Variants in XRN1 observed in about 807,000 individuals in gnomAD.
XRN1 encodes the protein strand-exchange protein 1 homolog.
Under a neutral mutation model 222.3 loss-of-function variants are expected in XRN1, and 67 were observed. The observed-to-expected ratio is 0.30, with a 90% CI of 0.25 to 0.37. The LOEUF (loss-of-function observed/expected upper bound fraction) is 0.37. XRN1 is among the 10% of genes least tolerant of loss of function. The probability of loss-of-function intolerance (pLI) is 1.00; values close to 1 mark genes in which losing one functional copy is unlikely to be tolerated. For synonymous variants in XRN1, 643 were observed against 652.4 expected (o/e 0.99, Z 0.22); for missense variants, 1,707 against 2,000.2 (o/e 0.85, Z 2.80).
In XRN1 at chr3:142,398,109, G is replaced by A. The variant is rs13325213; in HGVS notation, c.2208-649C>T. 6.1e-3 allele frequency among the ~76,000 whole-genome samples: 924 copies of A among 152,064 alleles called. 8 individuals are homozygous for A. Among genetic ancestry groups the A allele is most frequent in the African/African-American group, 0.021 (854 of 41,480 alleles). On this transcript the variant is annotated intron_variant, in intron 19 of 40. Coordinates refer to ENST00000392981, the MANE Select transcript of XRN1 (RefSeq NM_001282857.2). ...AAATAAAAAAAATATGCCAGGTATG[G>A]TAACACATATCTGTAGTCCCAGATA...
chr3:142,332,902 G>C, intron 35 of XRN1, 65 bp downstream of exon 35: 2 of 1,584,954 alleles, frequency 1.3e-6, no homozygotes, highest in East Asian at 4.5e-5. Context: ...ACTTGCATGG[G>C]ATATGTCTGC....
At position 142,322,353 on chromosome 3, in the gene XRN1, A is replaced by G. The variant is rs112906264; in HGVS notation, c.4405-3450T>C. 5.1e-3 allele frequency among the ~76,000 whole-genome samples: 781 copies of G among 152,296 alleles called. 9 individuals are homozygous for G. Among genetic ancestry groups the G allele is most frequent in the African/African-American group, 0.018 (761 of 41,568 alleles). ...ATCAGCCTCCTGAATAGCTGAGAAT[A>G]TAGGTGGGTACTACCACGCTTAGCT... On this transcript the variant is annotated intron_variant, in intron 37 of 40. Transcript: ENST00000392981.
intron 15 of XRN1, among the ~76,000 whole-genome samples, chr3:142,406,983 CA>C (rs2068366438): frequency 6.6e-6 from 1 of 152,162 alleles, no homozygotes; most frequent in Non-Finnish European, 1.5e-5. Flanking sequence ...TTTTTATTAG[CA>C]TAATAATGGA....
intron 1 of XRN1, among the ~76,000 whole-genome samples, chr3:142,439,995 T>TC (rs2070127177): frequency 6.6e-6 from 1 of 150,394 alleles, no homozygotes; most frequent in African/African-American, 2.5e-5. Flanking sequence ...GAGACGAAGG[T>TC]CTCAGGAGAC....
chr3:142,341,133 C>T, intron 33 of XRN1, among the ~76,000 whole-genome samples: 1 of 152,006 alleles, frequency 6.6e-6, no homozygotes, highest in East Asian at 1.9e-4. Flanking sequence ...ATAGAAACAG[C>T]AAAATATTAT....
chr3:142,396,999 T>C (rs2067955826), intron 20 of XRN1, among the ~76,000 whole-genome samples: 1 of 152,168 alleles, frequency 6.6e-6, no homozygotes, highest in South Asian at 2.1e-4. Context: ...TTTCATGACT[T>C]ACATGTGGCC....
intron 29 of XRN1, 52 bp downstream of exon 29, chr3:142,364,995 T>C (rs1177865509): frequency 6.4e-7 from 1 of 1,557,388 alleles, no homozygotes; most frequent in Non-Finnish European, 8.7e-7. Flanking sequence ...AGCCTGTTTA[T>C]TACTTTACAA....
At chr3:142,339,518 C>T (rs1007285671) in intron 33 of XRN1, among the ~76,000 whole-genome samples, 1 of 152,218 alleles carries the variant, frequency 6.6e-6, no homozygotes, top group Non-Finnish European at 1.5e-5. Flanking sequence ...AATCCCCAGA[C>T]ACCAACAAAC....
intron 15 of XRN1, among the ~76,000 whole-genome samples, chr3:142,409,262 C>T (rs74507335): frequency 0.02 from 3,082 of 152,126 alleles, 102 homozygotes; most frequent in African/African-American, 0.07. Flanking sequence ...TTGAAATTTT[C>T]TCCTAAGTTT....
At chr3:142,417,995 T>C (rs137858010) in intron 12 of XRN1, 1 of 152,674 alleles carries the variant, frequency 6.5e-6, no homozygotes, top group East Asian at 1.9e-4. Context: ...CTTTTATCTA[T>C]ATCTAGGTTT....
At chr3:142,322,910 G>A (rs1478773998) in intron 37 of XRN1, among the ~76,000 whole-genome samples, 1 of 152,132 alleles carries the variant, frequency 6.6e-6, no homozygotes, top group African/African-American at 2.4e-5. Flanking sequence ...GGCTGAGGCA[G>A]GATAATCGCT....
intron 32 of XRN1, among the ~76,000 whole-genome samples, chr3:142,349,621 A>G (rs1005289395): frequency 2.0e-5 from 3 of 152,114 alleles, no homozygotes; most frequent in Admixed American, 1.3e-4. Flanking sequence ...ATATTTGGGT[A>G]TAGTTCTTTA....
At chr3:142,368,172 G>A (rs1295907195) in intron 27 of XRN1, among the ~76,000 whole-genome samples, 1 of 151,356 alleles carries the variant, frequency 6.6e-6, no homozygotes, top group East Asian at 1.9e-4. Context: ...AAAATGATAT[G>A]GAGTCTTGCT....
At chr3:142,326,183 A>T (rs1439441629) in intron 37 of XRN1, among the ~76,000 whole-genome samples, 1 of 151,742 alleles carries the variant, frequency 6.6e-6, no homozygotes, top group Non-Finnish European at 1.5e-5. Flanking sequence ...ATTTCTGTCA[A>T]GAATGTCATC....
chr3:142,365,413 T>C (rs2066784845), intron 27 of XRN1, 47 bp from the exon 28 acceptor site: 2 of 1,384,144 alleles, frequency 1.4e-6, no homozygotes, highest in Non-Finnish European at 1.9e-6. Flanking sequence ...TATAAAATTA[T>C]AAAATCACTA....
intron 20 of XRN1, among the ~76,000 whole-genome samples, chr3:142,385,070 G>T (rs1377815926): frequency 6.6e-6 from 1 of 152,194 alleles, no homozygotes; most frequent in African/African-American, 2.4e-5. Context: ...CGGTTTGGCA[G>T]TTCCTCAAAA....
At chr3:142,400,658 A>T in intron 18 of XRN1, 111 bp from the exon 19 acceptor site, 1 of 776,748 alleles carries the variant, frequency 1.3e-6, no homozygotes, top group South Asian at 2.0e-5. Flanking sequence ...AAAATAAACA[A>T]GTTGGGGCCG....
intron 40 of XRN1, among the ~76,000 whole-genome samples, chr3:142,312,045 G>C (rs994095845): frequency 2.0e-5 from 3 of 152,204 alleles, no homozygotes; most frequent in Non-Finnish European, 2.9e-5. Context: ...TCAGCACTTT[G>C]GGAGGCCGAG....
chr3:142,437,571 T>C (rs2069971496), intron 1 of XRN1, among the ~76,000 whole-genome samples: 1 of 152,224 alleles, frequency 6.6e-6, no homozygotes, highest in Non-Finnish European at 1.5e-5. Flanking sequence ...TTCCTCTTTC[T>C]ACATATCTTT....
Sources: gnomAD v4.1 joint callset for allele counts (sites outside exome capture counted in the v4.1 genomes callset) on GRCh38, gnomAD v4.1.1 for gene constraint, MANE v1.5 for transcripts, NCBI Gene and HGNC (gene_info 2026-07-23, HGNC 2026-07-21) for gene names.